MOXD1: variants seen among roughly 807,000 people sequenced by gnomAD.
MOXD1 encodes the protein monooxygenase DBH like 1.
MOXD1 carries 62 observed loss-of-function variants against 66.6 expected under a neutral mutation model. The observed-to-expected ratio is 0.93, with a 90% CI of 0.76 to 1.15. The LOEUF (loss-of-function observed/expected upper bound fraction) is 1.15. Among genes scored for constraint, MOXD1 ranks in the 50% most tolerant of loss-of-function variants. MOXD1 has a pLI of 0.00. For missense variants in MOXD1, 847 were observed against 754.6 expected (o/e 1.12, Z -1.44); for synonymous variants, 303 against 281.9 (o/e 1.07, Z -0.75).
chr6:132,356,451 T>G (rs1270818725), intron 4 of MOXD1, among the ~76,000 whole-genome samples: 1 of 152,222 alleles, frequency 6.6e-6, no homozygotes, highest in African/African-American at 2.4e-5. Context: ...GTGAATTTTA[T>G]AAAGTAATCT....
chr6:132,298,497 A>G (rs1053809287), intron 10 of MOXD1, among the ~76,000 whole-genome samples: 1 of 152,184 alleles, frequency 6.6e-6, no homozygotes, highest in African/African-American at 2.4e-5. Context: ...TGAGAGATGG[A>G]AAGTTCAAAC....
intron 10 of MOXD1, among the ~76,000 whole-genome samples, chr6:132,305,691 C>A (rs1033009223): frequency 2.0e-5 from 3 of 152,178 alleles, no homozygotes; most frequent in African/African-American, 4.8e-5. Flanking sequence ...GGAGTGTCAT[C>A]TCCAGGTGTG....
At chr6:132,371,609 T>C (rs555494064) in intron 4 of MOXD1, among the ~76,000 whole-genome samples, 1 of 152,260 alleles carries the variant, frequency 6.6e-6, no homozygotes, top group East Asian at 1.9e-4. Flanking sequence ...TTGAGGTTGA[T>C]AGGAAAAGTG....
At chr6:132,396,173 C>G (rs531685554) in intron 1 of MOXD1, among the ~76,000 whole-genome samples, 1 of 151,956 alleles carries the variant, frequency 6.6e-6, no homozygotes, top group Non-Finnish European at 1.5e-5. Context: ...TTTAAAAAAT[C>G]GAAATCATAT....
chr6:132,335,618 C>A (rs146150008), intron 4 of MOXD1, among the ~76,000 whole-genome samples: 2 of 152,166 alleles, frequency 1.3e-5, no homozygotes, highest in Admixed American at 6.5e-5. Flanking sequence ...TTGGAAGGAA[C>A]CTGGCCCTGC....
intron 10 of MOXD1, among the ~76,000 whole-genome samples, chr6:132,306,951 C>A (rs1774706533): frequency 2.0e-5 from 3 of 152,162 alleles, no homozygotes; most frequent in Non-Finnish European, 4.4e-5. Context: ...GAAACTGCAT[C>A]AACTAGTGTG....
At position 132,342,846 on chromosome 6, in the gene MOXD1, G is replaced by A. The variant is rs1017584581; in HGVS notation, c.664-14252C>T. On this transcript the variant is annotated intron_variant, in intron 4 of 11. Coordinates refer to ENST00000367963, the MANE Select transcript of MOXD1 (RefSeq NM_015529.4). ...TTTGTTTCTTTCAGTCAATACATGC[G>A]CTTCAATTCAGCAATACATCAAAGG... Among the ~76,000 whole-genome samples the A allele has an allele frequency of 3.3e-5, 5 of 151,996 alleles. No individual in the cohort carries two copies. The South Asian group carries it at 6.2e-4, about 19-fold the overall frequency.
intron 2 of MOXD1, 51 bp from the exon 3 acceptor site, chr6:132,373,048 C>T (rs1307580556): frequency 2.9e-5 from 44 of 1,507,282 alleles, no homozygotes; most frequent in Non-Finnish European, 3.8e-5. Context: ...ACTTTCCTTA[C>T]CACTGAGTTG....
At chr6:132,328,619 G>A (rs1038957899) in intron 4 of MOXD1, 25 bp from the exon 5 acceptor site, 1 of 1,606,062 alleles carries the variant, frequency 6.2e-7, no homozygotes, top group African/African-American at 1.3e-5. Context: ...ATGAGAGGGA[G>A]GACACAATAA....
At position 132,307,121 on chromosome 6, in the gene MOXD1, C is replaced by T. The variant is rs189120091; in HGVS notation, c.1508+8514G>A. ...CCATCAGTGTGCTATATTCAGGAGACGCATCTCACGTGCAGAGACACACAT... is the reference window on the plus strand; with the variant it reads ...CCATCAGTGTGCTATATTCAGGAGATGCATCTCACGTGCAGAGACACACAT... On this transcript the variant is annotated intron_variant, in intron 10 of 11. Coordinates refer to ENST00000367963, the MANE Select transcript of MOXD1 (RefSeq NM_015529.4). 3.0e-3 allele frequency among the ~76,000 whole-genome samples: 452 copies of T among 151,942 alleles called. 3 individuals are homozygous for T. Among genetic ancestry groups the T allele is most frequent in the Middle Eastern group, 0.027 (8 of 294 alleles).
intron 11 of MOXD1, 26 bp downstream of exon 11, chr6:132,297,761 G>T: frequency 1.3e-6 from 2 of 1,565,982 alleles, no homozygotes; most frequent in Admixed American, 2.0e-5. Context: ...TGTCATCTGG[G>T]TTGTCAGAGG....
At chr6:132,359,724 A>G (rs7762136) in intron 4 of MOXD1, among the ~76,000 whole-genome samples, 64,333 of 151,362 alleles carry the variant, frequency 0.43, 19,522 homozygotes, top group African/African-American at 0.84. Flanking sequence ...CTGACCTCAT[A>G]ATCCGCCCGC....
At chr6:132,334,810 A>C (rs1389800035) in intron 4 of MOXD1, among the ~76,000 whole-genome samples, 1 of 152,192 alleles carries the variant, frequency 6.6e-6, no homozygotes, top group Admixed American at 6.5e-5. Flanking sequence ...AAAATCTTAA[A>C]TATCAGGAAC....
At chr6:132,303,211 A>AG (rs1774581798) in intron 10 of MOXD1, among the ~76,000 whole-genome samples, 1 of 152,202 alleles carries the variant, frequency 6.6e-6, no homozygotes, top group Non-Finnish European at 1.5e-5. Flanking sequence ...CTTTTATAAA[A>AG]TGAAAGTCAA....
intron 1 of MOXD1, among the ~76,000 whole-genome samples, chr6:132,395,398 A>T: frequency 6.6e-6 from 1 of 152,158 alleles, no homozygotes; most frequent in East Asian, 1.9e-4. Context: ...GAAGGAAAAG[A>T]CTAGAAGGTT....
chr6:132,312,617 CT>C (rs201598690), intron 10 of MOXD1, among the ~76,000 whole-genome samples: 2 of 130,388 alleles, frequency 1.5e-5, no homozygotes, highest in Non-Finnish European at 1.7e-5. Context: ...TTTCTTTTTT[CT>C]TTTTTTTGGC....
rs535343723 is a variant in MOXD1 at position 132,391,959 on chromosome 6, C to T, written c.264+9204G>A. 4.6e-4 allele frequency: 210 copies of T among 461,178 alleles called. 1 individual carries two copies. The highest frequency in any genetic ancestry group is 3.6e-3 in the African/African-American group (179 of 49,428). 28.6% of individuals were successfully genotyped at this position (461,178 alleles called of 1,614,324 possible). A position where few individuals can be genotyped will look rare whatever the true frequency, so the allele number is the denominator to read the frequency against. ...GTCCTTATTACTAATGCACAAAGCA[C>T]GACACTTGGAGAAGTCTCTTCGTTG... On this transcript the variant is annotated intron_variant, in intron 1 of 11. Transcript: ENST00000367963.
intron 4 of MOXD1, among the ~76,000 whole-genome samples, chr6:132,358,691 A>G (rs1477214170): frequency 6.6e-6 from 1 of 152,206 alleles, no homozygotes; most frequent in East Asian, 1.9e-4. Context: ...TAAAGGACCA[A>G]TTTTACATTG....
At chr6:132,382,127 C>T (rs779212109) in intron 1 of MOXD1, among the ~76,000 whole-genome samples, 27 of 151,884 alleles carry the variant, frequency 1.8e-4, no homozygotes, top group African/African-American at 5.6e-4. Flanking sequence ...GTATAATATA[C>T]GTATTTAACA....
Sources: gnomAD v4.1 joint callset for allele counts (sites outside exome capture counted in the v4.1 genomes callset) on GRCh38, gnomAD v4.1.1 for gene constraint, MANE v1.5 for transcripts, NCBI Gene and HGNC (gene_info 2026-07-23, HGNC 2026-07-21) for gene names.